PPP6R3: variants seen among roughly 807,000 people sequenced by gnomAD.
PPP6R3 encodes the protein serine/threonine-protein phosphatase 6 regulatory subunit 3.
Under a neutral mutation model 110.7 loss-of-function variants are expected in PPP6R3, and 38 were observed. The ratio of observed to expected loss-of-function variants is 0.34; its 90% CI spans 0.26 to 0.45. PPP6R3 has a LOEUF of 0.45. Ranked by LOEUF, PPP6R3 falls within the 20% of genes least tolerant of loss-of-function variation. The probability of loss-of-function intolerance (pLI) is 1.00; values close to 1 mark genes in which losing one functional copy is unlikely to be tolerated. For missense variants in PPP6R3, 870 were observed against 1,062.4 expected, an observed-to-expected ratio of 0.82 and a Z score of 2.52; for synonymous variants, 369 against 373.5, an observed-to-expected ratio of 0.99 and a Z score of 0.14.
chr11:68,478,647 GTTTTTT>G lies in PPP6R3; in HGVS notation c.-158+17840_-158+17845del, dbSNP rs769296530. Among the ~76,000 whole-genome samples the G allele has an allele frequency of 2.3e-3, 114 of 50,518 alleles. 3 individuals carry two copies. The highest frequency in any genetic ancestry group is 0.013 in the East Asian group (19 of 1,494). 33.1% of individuals were successfully genotyped at this position (50,518 alleles called of 152,430 possible). A position where few individuals can be genotyped will look rare whatever the true frequency, so the allele number is the denominator to read the frequency against. ...ACTGATGAGTTAGTGCACTTGGTAA[GTTTTTT>G]TTTTTTTTTTTTTTTTTTTGAGAAG... On this transcript the variant is annotated intron_variant, in intron 1 of 23. Coordinates refer to ENST00000393800, the MANE Select transcript of PPP6R3 (RefSeq NM_001164161.2).
At chr11:68,485,859 G>A (rs969662566) in intron 1 of PPP6R3, among the ~76,000 whole-genome samples, 5 of 151,880 alleles carry the variant, frequency 3.3e-5, no homozygotes, top group Admixed American at 1.3e-4. Context: ...CATGCCCGGC[G>A]ACAGATTTTT....
chr11:68,564,154 C>T, intron 8 of PPP6R3, 149 bp from the exon 9 acceptor site: 1 of 763,168 alleles, frequency 1.3e-6, no homozygotes, highest in Non-Finnish European at 2.1e-6. Flanking sequence ...TTCATTAACC[C>T]TCTTCTGCCT....
chr11:68,514,459 T>A (rs2099126109), intron 1 of PPP6R3, among the ~76,000 whole-genome samples: 1 of 152,250 alleles, frequency 6.6e-6, no homozygotes, highest in Non-Finnish European at 1.5e-5. Flanking sequence ...CCCATGTGAC[T>A]GTCATTATTA....
chr11:68,531,750 G>T (rs2099242019), intron 2 of PPP6R3, among the ~76,000 whole-genome samples: 1 of 152,150 alleles, frequency 6.6e-6, no homozygotes, highest in Non-Finnish European at 1.5e-5. Flanking sequence ...TGTTCTAGCT[G>T]CTATTGCGGA....
chr11:68,551,077 AG>A, intron 5 of PPP6R3, 43 bp from the exon 6 acceptor site: 1 of 1,337,844 alleles, frequency 7.5e-7, no homozygotes, highest in South Asian at 1.2e-5. Context: ...GGCTTGAACA[AG>A]AGCCACTCAT....
chr11:68,535,778 A>T (rs2099266924), intron 2 of PPP6R3, among the ~76,000 whole-genome samples: 1 of 147,030 alleles, frequency 6.8e-6, no homozygotes, highest in Admixed American at 6.8e-5. Context: ...CTTGGCCAAC[A>T]TTGTGAAACC....
At chr11:68,570,023 T>G in intron 11 of PPP6R3, 126 bp downstream of exon 11, 1 of 868,292 alleles carries the variant, frequency 1.2e-6, no homozygotes, top group South Asian at 2.7e-5. Flanking sequence ...TATTTGACAA[T>G]CATGTGTTCG....
chr11:68,497,044 GTTTGT>G (rs1199112795), intron 1 of PPP6R3, among the ~76,000 whole-genome samples: 1 of 135,874 alleles, frequency 7.4e-6, no homozygotes, highest in African/African-American at 2.8e-5. Context: ...TTGTTTGTTT[GTTTGT>G]TTTGTTTTGT....
chr11:68,466,339 C>T (rs921131931), intron 1 of PPP6R3, among the ~76,000 whole-genome samples: 2 of 151,896 alleles, frequency 1.3e-5, no homozygotes, highest in African/African-American at 4.8e-5. Flanking sequence ...ATTTGGATAC[C>T]AGGTAGGTTG....
chr11:68,612,811 G>A (rs754076109), intron 23 of PPP6R3: 23 of 582,844 alleles, frequency 3.9e-5, no homozygotes, highest in South Asian at 6.1e-5. Context: ...GCGGTGGGGC[G>A]GTTCTCCCAG....
chr11:68,594,114 C>G (rs939476321), intron 18 of PPP6R3, among the ~76,000 whole-genome samples: 1 of 152,042 alleles, frequency 6.6e-6, no homozygotes, highest in African/African-American at 2.4e-5. Flanking sequence ...CTGTATTAAT[C>G]TCAAAAGATT....
intron 1 of PPP6R3, among the ~76,000 whole-genome samples, chr11:68,492,261 A>T (rs1191082549): frequency 6.6e-6 from 1 of 152,026 alleles, no homozygotes; most frequent in Non-Finnish European, 1.5e-5. Flanking sequence ...GGCTCAAGGG[A>T]TCTTCCCACC....
rs1243562161 is a variant in PPP6R3 at position 68,613,634 on chromosome 11, C to A, written c.*517C>A. On this transcript the variant is annotated 3_prime_UTR_variant, in exon 24 of 24. Transcript: ENST00000393800. ...GTGTTATTTTGGTTGTTCTAACTTA[C>A]AAAAGTGATTTTGAATAAGAAATAT... 3.0e-6 allele frequency: 3 copies of A among 985,512 alleles called. No individual in the cohort carries two copies. Among genetic ancestry groups the A allele is most frequent in the East Asian group, 1.1e-4 (1 of 8,836 alleles). The allele number at this position is 985,512 out of a possible 1,614,324, so 61.0% of individuals were successfully genotyped here.
intron 19 of PPP6R3, among the ~76,000 whole-genome samples, chr11:68,597,749 C>G (rs1029032311): frequency 2.0e-5 from 3 of 147,790 alleles, no homozygotes; most frequent in African/African-American, 7.6e-5. Flanking sequence ...GAGGCCGAGT[C>G]AGGCGGATCA....
At chr11:68,499,820 A>T (rs1048774994) in intron 1 of PPP6R3, among the ~76,000 whole-genome samples, 4 of 151,950 alleles carry the variant, frequency 2.6e-5, no homozygotes, top group African/African-American at 9.7e-5. Context: ...CATTCCTCCC[A>T]CCTCGGCCCT....
intron 3 of PPP6R3, 25 bp downstream of exon 3, chr11:68,537,916 A>C (rs1178981677): frequency 6.5e-7 from 1 of 1,537,916 alleles, no homozygotes; most frequent in South Asian, 1.1e-5. Flanking sequence ...TCTTCTCTGT[A>C]GAGTGGGACT....
rs200617470 is a variant in PPP6R3 at position 68,518,849 on chromosome 11, C to CT, written c.-157-643dup. On this transcript the variant is annotated intron_variant, in intron 1 of 23. Transcript: ENST00000393800. ...TGTAGATTGCATTCTTAGAGGATTT[C>CT]TTTTTTTTTGGCCCTGTCAGGCTTC... 9.1e-3 allele frequency among the ~76,000 whole-genome samples: 1,369 copies of CT among 151,118 alleles called. 6 individuals carry two copies. The highest frequency in any genetic ancestry group is 0.02 in the Middle Eastern group (6 of 294).
intron 1 of PPP6R3, among the ~76,000 whole-genome samples, chr11:68,508,917 T>A (rs72936525): frequency 0.066 from 10,003 of 152,280 alleles, 438 homozygotes; most frequent in Non-Finnish European, 0.098. Flanking sequence ...AATAAAAGTA[T>A]ACTATTTTCT....
chr11:68,537,579 AAACTG>A, intron 2 of PPP6R3, 75 bp from the exon 3 acceptor site: 1 of 989,962 alleles, frequency 1.0e-6, no homozygotes, highest in Non-Finnish European at 1.5e-6. Flanking sequence ...TTAGATTGTA[AAACTG>A]AACTGAAATA....
Sources: gnomAD v4.1 joint callset for allele counts (sites outside exome capture counted in the v4.1 genomes callset) on GRCh38, gnomAD v4.1.1 for gene constraint, MANE v1.5 for transcripts, NCBI Gene and HGNC (gene_info 2026-07-23, HGNC 2026-07-21) for gene names.